GRM4: variants seen among roughly 807,000 people sequenced by gnomAD.
The protein encoded by GRM4 is glutamate metabotropic receptor 4.
A neutral mutation model predicts 81.7 loss-of-function variants in GRM4; 28 were observed. The observed-to-expected ratio is 0.34, with a 90% CI of 0.25 to 0.47. The LOEUF (loss-of-function observed/expected upper bound fraction) is 0.47, where lower values mean the gene tolerates loss of function less well. GRM4 is among the 20% of genes least tolerant of loss of function. GRM4 has a pLI of 1.00. For synonymous variants in GRM4, 488 were observed against 528.8 expected (o/e 0.92, Z 1.06); for missense variants, 948 against 1,290.0 (o/e 0.73, Z 4.06).
rs1011280652 is a variant in GRM4, at chr6:34,026,108, C to T, written c.2689+2012G>A. Among the ~76,000 whole-genome samples the T allele has an allele frequency of 2.8e-4, 43 of 152,330 alleles. 1 individual carries two copies. Among genetic ancestry groups the T allele is most frequent in the Non-Finnish European group, 1.6e-4 (11 of 68,036 alleles). On this transcript the variant is annotated intron_variant, in intron 10 of 10. Coordinates refer to ENST00000538487, the MANE Select transcript of GRM4 (RefSeq NM_000841.4). ...ACCAGCTGACAGTCCCCGTTTGTCA[C>T]CCCTTGTCTCCGCACCCAATCTGCC...
chr6:34,133,075 G>C lies in GRM4; in HGVS notation c.422C>G (p.Pro141Arg), dbSNP rs201351817. ...ACGTTCAGGCTTGGTGATGATGGGT[G>C]GGCCGCCACTGCCACAGCGGACCTC... ...GTEVRCGSGG[P>R]PIITKPERVV... Residue 141 changes from proline (P) to arginine (R), a missense_variant, in exon 2 of 11, where the codon CCA becomes CGA. Transcript: ENST00000538487. This position sits in a 1 kb window ranked among gnomAD's most constrained non-coding sequence, Gnocchi z 6.5. The C allele has an allele frequency of 1.2e-5, 20 of 1,613,748 alleles. No homozygotes were observed. Among genetic ancestry groups the C allele is most frequent in the Non-Finnish European group, 1.7e-6 (2 of 1,179,912 alleles).
rs370257686 is a variant in GRM4 at position 34,062,005 on chromosome 6, C to T, written c.760G>A (p.Val254Met). The T allele has an allele frequency of 2.7e-5, 44 of 1,613,472 alleles. No homozygotes were observed. The highest frequency in any genetic ancestry group is 1.7e-4 in the Middle Eastern group (1 of 6,056). Reference sequence around the variant, plus strand: ...GCCTTGGGCTCCCGTGGTATCTTCACCGACTGGGCGATGCACACGCCCCCT... The same window carrying T: ...GCCTTGGGCTCCCGTGGTATCTTCATCGACTGGGCGATGCACACGCCCCCT... ...EDGGVCIAQS[V>M]KIPREPKAGE... is the part of the protein sequence containing the mutation. Residue 254 changes from valine (V) to methionine (M), a missense_variant, in exon 4 of 11, where the codon GTG (valine) becomes ATG (methionine). Transcript: ENST00000538487.
At chr6:34,150,646 C>T (rs963810858), upstream of GRM4, among the ~76,000 whole-genome samples, 1 of 152,048 alleles carries the variant, frequency 6.6e-6, no homozygotes, top group African/African-American at 2.4e-5. Context: ...GCCTATAGGG[C>T]TCCCTGACCT....
chr6:34,154,931 C>T (rs951158046), intron 1 of GRM4: 19 of 593,882 alleles, frequency 3.2e-5, no homozygotes, highest in Non-Finnish European at 5.0e-5. Context: ...CACCGCCGCC[C>T]GGTGGCCGAA....
Position 34,036,449 on chromosome 6 carries a change from C to T in GRM4, c.1661G>A (p.Arg554His), listed in dbSNP as rs767625715. 4.3e-6 allele frequency: 7 copies of T among 1,613,566 alleles called. No homozygotes were observed. The highest frequency in any genetic ancestry group is 2.2e-5 in the East Asian group (1 of 44,880). ...PCTGYQYQVD[R>H]YTCKTCPYDM... ...ATAGGGACACGTCTTACAGGTGTAG[C>T]GGTCCACCTGGTACTGGTACCCTGT... The change falls in exon 9 of 11, where the codon CGC (arginine) becomes CAC (histidine). Residue 554 changes from arginine to histidine, a missense_variant. Arg to His is a conservative substitution (Grantham distance 29). Transcript: ENST00000538487. The surrounding 1 kb of genome is among the most constrained non-coding windows in gnomAD (Gnocchi z 9.0).
chr6:34,134,940 GCCAGC>G (rs1770399784), intron 1 of GRM4, among the ~76,000 whole-genome samples: 1 of 152,100 alleles, frequency 6.6e-6, no homozygotes, highest in Admixed American at 6.5e-5. Context: ...CCCACTCAAA[GCCAGC>G]AACCTCCCTC....
chr6:34,035,614 C>T lies in GRM4; in HGVS notation c.2442+54G>A, dbSNP rs1416613687. Reference sequence around the variant, plus strand: ...GGCCAGCCAGCCTCAGGAGGCTGCCCCTTGCTCACTGCCCTCACCTACCCA... The same window carrying T: ...GGCCAGCCAGCCTCAGGAGGCTGCCTCTTGCTCACTGCCCTCACCTACCCA... On this transcript the variant is annotated intron_variant, in intron 9 of 10. Transcript: ENST00000538487. The surrounding 1 kb of genome is among the most constrained non-coding windows in gnomAD (Gnocchi z 6.6). 8.7e-7 allele frequency: 1 copy of T among 1,148,294 alleles called. No homozygotes were observed. The highest frequency in any genetic ancestry group is 1.6e-5 in the African/African-American group (1 of 61,078). The allele number at this position is 1,148,294 out of a possible 1,614,324, so 71.1% of individuals were successfully genotyped here. A position where few individuals can be genotyped will look rare whatever the true frequency, so the allele number is the denominator to read the frequency against.
chr6:34,031,192 C>T (rs545695995), intron 9 of GRM4, among the ~76,000 whole-genome samples: 4 of 152,198 alleles, frequency 2.6e-5, no homozygotes, highest in Admixed American at 1.3e-4. Flanking sequence ...AGGCGGCCTT[C>T]GGGCTATGAT....
At position 34,036,562 on chromosome 6, in the gene GRM4, G is replaced by A; in HGVS notation, c.1548C>T (p.Pro516=). 6.2e-7 allele frequency: 1 copy of A among 1,601,428 alleles called. No individual in the cohort carries two copies. The highest frequency in any genetic ancestry group is 8.5e-7 in the Non-Finnish European group (1 of 1,173,752). Residue 516 remains proline, a synonymous_variant, in exon 9 of 11, where the codon CCC becomes CCT. Transcript: ENST00000538487. The surrounding 1 kb of genome is among the most constrained non-coding windows in gnomAD (Gnocchi z 9.0). ...MHWPGSGQQL[P]RSICSLPCQP... ...GGCAGGGCAGGCTGCAGATGGAGCG[G>A]GGCAGCTGCTGCCCGCTCCCCGGCC...
chr6:34,122,963 G>A lies in GRM4; in HGVS notation c.519+10015C>T, dbSNP rs1176366819. On this transcript the variant is annotated intron_variant, in intron 2 of 10. Coordinates refer to ENST00000538487, the MANE Select transcript of GRM4 (RefSeq NM_000841.4). Reference sequence around the variant, plus strand: ...AAGAAGGGCATTCCAGAAGGACACGGCCCGAGCAGGGCCAGGAGGCAGGCC... The same window carrying A: ...AAGAAGGGCATTCCAGAAGGACACGACCCGAGCAGGGCCAGGAGGCAGGCC... Among the ~76,000 whole-genome samples, 5 of 152,300 alleles carry A rather than the reference G, an allele frequency of 3.3e-5. No homozygotes were observed. In the South Asian group the frequency reaches 1.0e-3, roughly 32 times the overall value.
intron 2 of GRM4, among the ~76,000 whole-genome samples, chr6:34,100,469 G>A (rs1449745878): frequency 6.6e-6 from 1 of 152,196 alleles, no homozygotes; most frequent in African/African-American, 2.4e-5. Flanking sequence ...GGGTCCCTTT[G>A]CCTCAGCTGC....
At chr6:34,125,121 C>T (rs1769972806) in intron 2 of GRM4, among the ~76,000 whole-genome samples, 1 of 152,136 alleles carries the variant, frequency 6.6e-6, no homozygotes, top group Non-Finnish European at 1.5e-5. Flanking sequence ...CTACAGGTGC[C>T]CGCCACCACA....
intron 1 of GRM4, among the ~76,000 whole-genome samples, chr6:34,144,208 A>G (rs983726365): frequency 9.9e-5 from 15 of 152,150 alleles, no homozygotes; most frequent in Non-Finnish European, 1.5e-5. Context: ...GCCCCATCTC[A>G]GCACAAACAG....
Position 34,137,071 on chromosome 6 carries a change from C to T in GRM4, c.-363-3212G>A, listed in dbSNP as rs1204949606. On this transcript the variant is annotated intron_variant, in intron 1 of 10. Transcript: ENST00000538487. ...CTTGCCCAGTTTTCAGACACTCCCC[C>T]GCCAATTCCAAAATAGCCAGGAGAG... Among the ~76,000 whole-genome samples the T allele has an allele frequency of 2.0e-5, 3 of 152,286 alleles. No homozygotes were observed. The East Asian group carries it at 5.8e-4, about 29-fold the overall frequency.
intron 2 of GRM4, among the ~76,000 whole-genome samples, chr6:34,131,731 AAGAGTCCCGGT>A (rs1770241100): frequency 6.6e-6 from 1 of 152,200 alleles, no homozygotes; most frequent in Non-Finnish European, 1.5e-5. Context: ...GGCTTCCAGA[AAGAGTCCCGGT>A]GAGAGTGGTC....
Position 34,036,297 on chromosome 6 carries a change from C to A in GRM4, c.1813G>T (p.Val605Leu). The A allele has an allele frequency of 6.2e-7, 1 of 1,614,138 alleles. No homozygotes were observed. The highest frequency in any genetic ancestry group is 8.5e-7 in the Non-Finnish European group (1 of 1,180,010). ...AVVGIAATLF[V>L]VITFVRYNDT... ...TTGTAGCGCACAAAGGTGATCACCA[C>A]GAACAACGTGGCAGCGATGCCCACC... Residue 605 changes from valine (V) to leucine (L), a missense_variant, in exon 9 of 11, where the codon GTG becomes TTG. Physicochemically the swap from Val to Leu is conservative, Grantham distance 32. Coordinates refer to ENST00000538487, the MANE Select transcript of GRM4 (RefSeq NM_000841.4). The surrounding 1 kb of genome is among the most constrained non-coding windows in gnomAD (Gnocchi z 9.0).
At chr6:34,154,703 G>T (rs1020644019) in intron 1 of GRM4, among the ~76,000 whole-genome samples, 3 of 152,200 alleles carry the variant, frequency 2.0e-5, no homozygotes, top group African/African-American at 7.2e-5. Context: ...CAGACACGTG[G>T]GGGGGAGTCG....
chr6:34,044,307 CAT>C (rs752398038), intron 6 of GRM4, among the ~76,000 whole-genome samples: 16 of 143,742 alleles, frequency 1.1e-4, no homozygotes, highest in African/African-American at 3.5e-4. Context: ...CATACATACA[CAT>C]ATATACACAG....
At chr6:34,040,835 C>T (rs1764988858) in intron 6 of GRM4, 87 bp from the exon 7 acceptor site, 1 of 1,134,872 alleles carries the variant, frequency 8.8e-7, no homozygotes, top group African/African-American at 1.5e-5. Context: ...CCTCTGGCCA[C>T]CTGGAGAAGT....
Sources: allele counts gnomAD v4.1 joint callset (sites outside exome capture counted in the v4.1 genomes callset), GRCh38; gene constraint gnomAD v4.1.1; non-coding constraint Gnocchi (gnomAD v3.1); transcripts MANE v1.5; gene names NCBI Gene and HGNC (gene_info 2026-07-23, HGNC 2026-07-21).